Variants in THEM4 observed in about 807,000 individuals in gnomAD.
THEM4 encodes the protein thioesterase superfamily member 4, also known as acyl-coenzyme A thioesterase THEM4.
THEM4 carries 22 observed loss-of-function variants against 25.0 expected under a neutral mutation model. That is an observed-to-expected ratio of 0.88 (90% confidence interval 0.63 to 1.26). The LOEUF is 1.26. Among genes scored for constraint, THEM4 ranks in the 50% most tolerant of loss-of-function variants. THEM4 has a pLI of 0.00. For synonymous variants in THEM4, 113 were observed against 105.6 expected (o/e 1.07, Z -0.43); for missense variants, 286 against 300.3 (o/e 0.95, Z 0.35).
intron 4 of THEM4, among the ~76,000 whole-genome samples, chr1:151,884,467 A>G (rs1357090372): frequency 6.6e-6 from 1 of 152,198 alleles, no homozygotes; most frequent in Non-Finnish European, 1.5e-5. Flanking sequence ...GGGTAGTTAT[A>G]ATAGGAAAAT....
intron 5 of THEM4, 110 bp downstream of exon 5, chr1:151,876,891 A>G: frequency 7.3e-7 from 1 of 1,372,248 alleles, no homozygotes. Context: ...AACCAAACCA[A>G]AACACCCCCC....
At chr1:151,907,362 A>T (rs916674402) in intron 1 of THEM4, among the ~76,000 whole-genome samples, 2 of 152,200 alleles carry the variant, frequency 1.3e-5, no homozygotes, top group African/African-American at 4.8e-5. Context: ...AGTGAGACCA[A>T]GAACCCATCA....
intron 1 of THEM4, among the ~76,000 whole-genome samples, chr1:151,906,511 G>A (rs1472054567): frequency 6.6e-6 from 1 of 152,238 alleles, no homozygotes; most frequent in Non-Finnish European, 1.5e-5. Flanking sequence ...CCCAAGGGCT[G>A]AGGAGTGTGG....
intron 1 of THEM4, among the ~76,000 whole-genome samples, chr1:151,899,619 A>T (rs1193557084): frequency 7.9e-5 from 12 of 152,336 alleles, no homozygotes; most frequent in Admixed American, 7.8e-4. Context: ...AAAAAGAACA[A>T]GAAAATATGA....
intron 1 of THEM4, among the ~76,000 whole-genome samples, chr1:151,896,562 G>A (rs1654230639): frequency 6.6e-6 from 1 of 152,180 alleles, no homozygotes; most frequent in Non-Finnish European, 1.5e-5. Context: ...CCTAAAAGAA[G>A]TTTGGCATTA....
At chr1:151,877,254 A>G (rs1278053645) in intron 4 of THEM4, 129 bp from the exon 5 acceptor site, 13 of 919,142 alleles carry the variant, frequency 1.4e-5, no homozygotes, top group Middle Eastern at 2.3e-4. Flanking sequence ...TGACTGCCTT[A>G]GACAATACAT....
intron 1 of THEM4, among the ~76,000 whole-genome samples, chr1:151,898,993 C>T (rs1164586887): frequency 6.6e-6 from 1 of 152,224 alleles, no homozygotes; most frequent in Non-Finnish European, 1.5e-5. Context: ...TGAGAAGGAA[C>T]CAGAAAACCT....
chr1:151,899,416 G>C (rs1282940490), intron 1 of THEM4, among the ~76,000 whole-genome samples: 1 of 151,830 alleles, frequency 6.6e-6, no homozygotes, highest in African/African-American at 2.4e-5. Context: ...GCTTGAAGCT[G>C]GGAGGTGGAG....
intron 1 of THEM4, among the ~76,000 whole-genome samples, chr1:151,900,962 G>C (rs1283872495): frequency 6.6e-6 from 1 of 152,254 alleles, no homozygotes; most frequent in Non-Finnish European, 1.5e-5. Flanking sequence ...ACAAACAATA[G>C]CATGAGCAAT....
chr1:151,895,267 C>G (rs1654199679), intron 1 of THEM4, 73 bp from the exon 2 acceptor site: 2 of 1,254,926 alleles, frequency 1.6e-6, no homozygotes, highest in Non-Finnish European at 2.2e-6. Context: ...CTCCCAATTT[C>G]TAAGATTATC....
chr1:151,904,911 T>C (rs868333463), intron 1 of THEM4, among the ~76,000 whole-genome samples: 3 of 151,996 alleles, frequency 2.0e-5, no homozygotes, highest in African/African-American at 7.3e-5. Flanking sequence ...TTGGCAGGGG[T>C]TGAATTTGTT....
At chr1:151,889,520 G>C (rs1654044054) in intron 2 of THEM4, 147 bp from the exon 3 acceptor site, 11 of 697,528 alleles carry the variant, frequency 1.6e-5, no homozygotes, top group Non-Finnish European at 4.7e-6. Flanking sequence ...AGGAATGGGA[G>C]CGTCTCAATG....
chr1:151,888,837 A>G (rs1275306157), intron 3 of THEM4, among the ~76,000 whole-genome samples: 1 of 152,010 alleles, frequency 6.6e-6, no homozygotes, highest in African/African-American at 2.4e-5. Context: ...CACAAAACAA[A>G]ACAAACTATA....
intron 4 of THEM4, among the ~76,000 whole-genome samples, chr1:151,877,655 T>C (rs1266070413): frequency 6.6e-6 from 1 of 152,236 alleles, no homozygotes. Context: ...ATGATACAAA[T>C]GTTCCATATC....
At chr1:151,890,318 C>A in intron 2 of THEM4, 1 of 369,770 alleles carries the variant, frequency 2.7e-6, no homozygotes. Context: ...CAATTGTGAG[C>A]AAGTTGGGGG....
intron 4 of THEM4, among the ~76,000 whole-genome samples, chr1:151,879,659 C>CTTTTTTTTTTTTTTTTTT (rs60809136): frequency 7.4e-6 from 1 of 135,418 alleles, no homozygotes; most frequent in African/African-American, 2.7e-5. Flanking sequence ...CTTTTCTTTT[C>CTTTTTTTTTTTTTTTTTT]TTTTTTTTTT....
intron 1 of THEM4, among the ~76,000 whole-genome samples, chr1:151,899,905 A>G (rs1280727770): frequency 6.6e-6 from 1 of 152,238 alleles, no homozygotes; most frequent in Non-Finnish European, 1.5e-5. Flanking sequence ...GCTGTGAGAA[A>G]GAAGCACCAG....
chr1:151,894,917 T>C (rs1322897232), intron 2 of THEM4, 91 bp downstream of exon 2: 3 of 1,343,190 alleles, frequency 2.2e-6, no homozygotes, highest in Non-Finnish European at 3.2e-6. Flanking sequence ...TTATATTCTT[T>C]CTTTTTTTCA....
intron 5 of THEM4, among the ~76,000 whole-genome samples, chr1:151,876,226 A>G (rs1653667443): frequency 6.6e-6 from 1 of 152,150 alleles, no homozygotes; most frequent in South Asian, 2.1e-4. Flanking sequence ...TGGCACACAC[A>G]TACAATATAG....
Sources: allele counts gnomAD v4.1 joint callset (sites outside exome capture counted in the v4.1 genomes callset), GRCh38; gene constraint gnomAD v4.1.1; transcripts MANE v1.5; gene names NCBI Gene and HGNC (gene_info 2026-07-23, HGNC 2026-07-21).